The following TP53BP1 variants were observed in gnomAD, a reference collection of about 807,000 sequenced individuals.
TP53BP1 encodes TP53-binding protein 1.
A neutral mutation model predicts 200.8 loss-of-function variants in TP53BP1; 61 were observed. That is an observed-to-expected ratio of 0.30 (90% CI 0.25 to 0.38). The LOEUF (loss-of-function observed/expected upper bound fraction) is 0.38, where lower values mean the gene tolerates loss of function less well. TP53BP1 is among the 10% of genes least tolerant of loss of function. The pLI, the probability that TP53BP1 is intolerant of heterozygous loss-of-function variation, is 1.00. For synonymous variants in TP53BP1, 822 were observed against 844.3 expected (o/e 0.97, Z 0.46); for missense variants, 2,144 against 2,371.9 (o/e 0.90, Z 2.00).
chr15:43,453,464 G>A (rs2046220263), intron 12 of TP53BP1, among the ~76,000 whole-genome samples: 1 of 151,872 alleles, frequency 6.6e-6, no homozygotes. Flanking sequence ...TCATTAACTA[G>A]CCAAAAGACG....
intron 1 of TP53BP1, among the ~76,000 whole-genome samples, chr15:43,509,998 A>C (rs2079263192): frequency 6.6e-6 from 1 of 152,080 alleles, no homozygotes; most frequent in African/African-American, 2.4e-5. Context: ...GTGGAGACAC[A>C]CTGAGGAATG....
intron 11 of TP53BP1, among the ~76,000 whole-genome samples, chr15:43,464,211 G>C (rs1397670785): frequency 6.6e-6 from 1 of 152,158 alleles, no homozygotes; most frequent in Non-Finnish European, 1.5e-5. Context: ...TAATTTGAAA[G>C]AGATCAAAAC....
intron 1 of TP53BP1, among the ~76,000 whole-genome samples, chr15:43,501,268 C>G (rs2079208162): frequency 6.6e-6 from 1 of 151,130 alleles, no homozygotes; most frequent in African/African-American, 2.4e-5. Flanking sequence ...ATGGCTTGAT[C>G]ATAGCTCACC....
At chr15:43,493,398 C>A (rs1434124939), upstream of TP53BP1, among the ~76,000 whole-genome samples, 1 of 152,182 alleles carries the variant, frequency 6.6e-6, no homozygotes, top group Non-Finnish European at 1.5e-5. Flanking sequence ...ATACCTTCCC[C>A]TGCTTCCAGG....
intron 24 of TP53BP1, among the ~76,000 whole-genome samples, chr15:43,410,872 T>C (rs1449224332): frequency 6.6e-6 from 1 of 152,204 alleles, no homozygotes; most frequent in Non-Finnish European, 1.5e-5. Flanking sequence ...CTTTTACTGC[T>C]CTTTTCTTGA....
chr15:43,484,185 C>T (rs2079014040), intron 4 of TP53BP1, among the ~76,000 whole-genome samples: 2 of 152,186 alleles, frequency 1.3e-5, no homozygotes, highest in African/African-American at 4.8e-5. Context: ...ATCTGCCAGG[C>T]ACGGTGGCAT....
intron 23 of TP53BP1, 167 bp downstream of exon 23, chr15:43,415,423 AGGAG>A (rs1566916838): frequency 1.4e-6 from 1 of 732,962 alleles, no homozygotes; most frequent in South Asian, 1.5e-5. Flanking sequence ...GGGATGGGGG[AGGAG>A]GGATACAGTG....
rs1020226484 is a variant in TP53BP1 at position 43,404,088 on chromosome 15, GAACT to G, written c.*3291_*3294del. ...CATCCTCCCCCCTCCTTACTTCCTT[GAACT>G]AACCCCCATCTCACTGAGATAATTA... On this transcript the variant is annotated 3_prime_UTR_variant, in exon 28 of 28. Coordinates refer to ENST00000382044, the MANE Select transcript of TP53BP1 (RefSeq NM_001141980.3). 1 of 517,256 alleles carries G rather than the reference GAACT, an allele frequency of 1.9e-6. No homozygotes were observed. The highest frequency in any genetic ancestry group is 3.3e-5 in the Admixed American group (1 of 29,984). The allele number at this position is 517,256 out of a possible 1,614,324, so 32.0% of individuals were successfully genotyped here.
intron 17 of TP53BP1, among the ~76,000 whole-genome samples, chr15:43,430,832 A>G (rs1441901314): frequency 6.6e-6 from 1 of 152,234 alleles, no homozygotes; most frequent in African/African-American, 2.4e-5. Flanking sequence ...TTTCATGGAT[A>G]GATTTGTTCT....
rs1327118839 is a variant in TP53BP1, at chr15:43,456,942, T to G, written c.1666A>C (p.Met556Leu). ...AATTTAGAATTGAGAACTGGAGACATGGGTTCCGTATCCTCAATCTGTGTG... is the reference window on the plus strand; with the variant it reads ...AATTTAGAATTGAGAACTGGAGACAGGGGTTCCGTATCCTCAATCTGTGTG... ...ENTQIEDTEP[M>L]SPVLNSKFVP... Residue 556 changes from methionine (M) to leucine (L), a missense_variant, in exon 12 of 28, where the codon ATG becomes CTG. Around this residue, in one of 4 missense-constraint regions of TP53BP1, gnomAD observed 1,700 missense variants for 1,710.3 expected, o/e 0.99. Coordinates refer to ENST00000382044, the MANE Select transcript of TP53BP1 (RefSeq NM_001141980.3). The G allele has an allele frequency of 6.2e-7, 1 of 1,614,178 alleles. No homozygotes were observed.
At chr15:43,430,872 G>C (rs999455445) in intron 17 of TP53BP1, among the ~76,000 whole-genome samples, 1 of 152,142 alleles carries the variant, frequency 6.6e-6, no homozygotes, top group Non-Finnish European at 1.5e-5. Flanking sequence ...TTCAGCATAT[G>C]ATTTTTTTTC....
chr15:43,459,989 A>G (rs995571343), intron 11 of TP53BP1, among the ~76,000 whole-genome samples: 3 of 152,232 alleles, frequency 2.0e-5, no homozygotes, highest in Non-Finnish European at 2.9e-5. Flanking sequence ...ACAAAAGGTT[A>G]TAAGGAAACT....
chr15:43,459,757 C>T (rs935758880), intron 11 of TP53BP1, among the ~76,000 whole-genome samples: 1 of 151,714 alleles, frequency 6.6e-6, no homozygotes, highest in Non-Finnish European at 1.5e-5. Flanking sequence ...GCCTCAATTT[C>T]CTGGGCTCAA....
chr15:43,460,253 T>C (rs1462865486), intron 11 of TP53BP1, among the ~76,000 whole-genome samples: 1 of 147,596 alleles, frequency 6.8e-6, no homozygotes, highest in African/African-American at 2.6e-5. Context: ...TCATTTCCTA[T>C]GTTTTGTTTT....
chr15:43,404,461 C>T lies in TP53BP1; in HGVS notation c.*2922G>A, dbSNP rs778008640. 3.7e-6 allele frequency: 6 copies of T among 1,614,092 alleles called. No homozygotes were observed. The East Asian group carries it at 6.7e-5, about 18-fold the overall frequency. ...CCTGTTCAAGATTCTCTCCAGTGTT[C>T]GGAATCATCAGATCAACTCAGATTT... On this transcript the variant is annotated 3_prime_UTR_variant, in exon 28 of 28. Transcript: ENST00000382044.
chr15:43,489,840 T>G (rs758206511), intron 4 of TP53BP1, among the ~76,000 whole-genome samples: 127 of 152,302 alleles, frequency 8.3e-4, no homozygotes, highest in Non-Finnish European at 1.6e-3. Context: ...TCTAAAGCAT[T>G]TATTTTACTT....
At chr15:43,448,898 G>A (rs537263565) in intron 12 of TP53BP1, among the ~76,000 whole-genome samples, 64 of 152,234 alleles carry the variant, frequency 4.2e-4, no homozygotes, top group Admixed American at 2.4e-3. Context: ...AGACGAAGGC[G>A]GATGGATCAC....
chr15:43,459,424 TATTA>T (rs2046378597), intron 11 of TP53BP1, among the ~76,000 whole-genome samples: 3 of 152,234 alleles, frequency 2.0e-5, no homozygotes, highest in South Asian at 2.1e-4. Context: ...AATGGTCATA[TATTA>T]ATTATAATTG....
At chr15:43,438,259 G>A in intron 16 of TP53BP1, 65 bp downstream of exon 16, 1 of 1,412,080 alleles carries the variant, frequency 7.1e-7, no homozygotes. Flanking sequence ...TACATATTAG[G>A]ATTTGGGCAC....
Sources: allele counts gnomAD v4.1 joint callset (sites outside exome capture counted in the v4.1 genomes callset), GRCh38; gene constraint gnomAD v4.1.1; regional missense constraint gnomAD v4.1.1; transcripts MANE v1.5; gene names NCBI Gene and HGNC (gene_info 2026-07-23, HGNC 2026-07-21).